Variants in DOCK9 observed in about 807,000 individuals in gnomAD.
DOCK9 encodes the protein dedicator of cytokinesis 9.
DOCK9 carries 89 observed loss-of-function variants against 263.3 expected under a neutral mutation model. The ratio of observed to expected loss-of-function variants is 0.34; its 90% CI spans 0.28 to 0.40. DOCK9 has a LOEUF of 0.40. Ranked by LOEUF, DOCK9 falls within the 10% of genes least tolerant of loss-of-function variation. The pLI, the probability that DOCK9 is intolerant of heterozygous loss-of-function variation, is 1.00. For synonymous variants in DOCK9, 976 were observed against 973.1 expected (o/e 1.00, Z -0.06); for missense variants, 2,140 against 2,603.4 (o/e 0.82, Z 3.87).
At chr13:98,828,994 A>G (rs2092656804) in intron 43 of DOCK9, among the ~76,000 whole-genome samples, 1 of 152,258 alleles carries the variant, frequency 6.6e-6, no homozygotes, top group Admixed American at 6.5e-5. Context: ...TCATTTGATC[A>G]TAAAATAGCT....
intron 1 of DOCK9, among the ~76,000 whole-genome samples, chr13:98,997,550 G>A (rs1419535822): frequency 2.6e-5 from 4 of 152,194 alleles, no homozygotes; most frequent in South Asian, 2.1e-4. Flanking sequence ...GTAGCGATGT[G>A]AAATGAGGTT....
At chr13:98,861,903 C>T (rs1272232994) in intron 32 of DOCK9, among the ~76,000 whole-genome samples, 1 of 152,208 alleles carries the variant, frequency 6.6e-6, no homozygotes, top group African/African-American at 2.4e-5. Context: ...TCCAGTCTCA[C>T]TTCTAATCTG....
chr13:99,010,967 G>A (rs1307327233), intron 1 of DOCK9, among the ~76,000 whole-genome samples: 2 of 152,140 alleles, frequency 1.3e-5, no homozygotes, highest in East Asian at 1.9e-4. Flanking sequence ...GTGCAATCTC[G>A]GCTTACTGCA....
At chr13:99,035,610 G>C (rs1282926775) in intron 1 of DOCK9, among the ~76,000 whole-genome samples, 12 of 152,202 alleles carry the variant, frequency 7.9e-5, no homozygotes, top group Non-Finnish European at 4.4e-5. Flanking sequence ...GATAGAAGGA[G>C]CCTGGGACCC....
At chr13:98,989,669 A>G (rs1879358386) in intron 1 of DOCK9, among the ~76,000 whole-genome samples, 1 of 152,212 alleles carries the variant, frequency 6.6e-6, no homozygotes, top group South Asian at 2.1e-4. Flanking sequence ...GGAGTGGGGT[A>G]GAGATTGAAG....
chr13:98,946,041 G>A (rs945031464), intron 2 of DOCK9, among the ~76,000 whole-genome samples: 2 of 152,216 alleles, frequency 1.3e-5, no homozygotes, highest in African/African-American at 2.4e-5. Context: ...CCTCGCGGGG[G>A]AGACAGGAGC....
intron 1 of DOCK9, among the ~76,000 whole-genome samples, chr13:99,061,617 G>A (rs1158574801): frequency 6.6e-6 from 1 of 152,100 alleles, no homozygotes; most frequent in Non-Finnish European, 1.5e-5. Context: ...ATCAAAGTGA[G>A]GCAGCCTCAC....
chr13:98,978,082 G>T, upstream of DOCK9: 3 of 1,420,384 alleles, frequency 2.1e-6, no homozygotes, highest in South Asian at 4.9e-5. Context: ...GGGAAGGCAT[G>T]ACAGCAAAGG....
chr13:98,915,551 T>G (rs1018230810), intron 7 of DOCK9, 48 bp from the exon 8 acceptor site: 14 of 1,520,372 alleles, frequency 9.2e-6, no homozygotes, highest in African/African-American at 2.8e-5. Context: ...GAATTAGAAC[T>G]GCTTTAAAAT....
At chr13:98,913,468 T>C (rs1257553113) in intron 9 of DOCK9, among the ~76,000 whole-genome samples, 1 of 152,156 alleles carries the variant, frequency 6.6e-6, no homozygotes, top group Non-Finnish European at 1.5e-5. Flanking sequence ...AAAGTCTATA[T>C]AGTACAAATA....
chr13:98,827,752 A>C (rs9554531), intron 43 of DOCK9, among the ~76,000 whole-genome samples: 54,110 of 152,120 alleles, frequency 0.36, 11,184 homozygotes, highest in East Asian at 0.67. Context: ...TTGCAGTACA[A>C]AGCAGGGTCA....
At chr13:99,026,475 A>C (rs1180440481) in intron 1 of DOCK9, among the ~76,000 whole-genome samples, 1 of 152,208 alleles carries the variant, frequency 6.6e-6, no homozygotes, top group Non-Finnish European at 1.5e-5. Flanking sequence ...ACAGCTAAGA[A>C]TGGTAAGATG....
At chr13:99,087,123 G>A (rs2042366476), upstream of DOCK9, among the ~76,000 whole-genome samples, 1 of 152,238 alleles carries the variant, frequency 6.6e-6, no homozygotes, top group African/African-American at 2.4e-5. Flanking sequence ...GCACCGATCG[G>A]AACCCGCGGC....
intron 1 of DOCK9, among the ~76,000 whole-genome samples, chr13:98,964,425 C>G (rs2058993211): frequency 1.3e-5 from 2 of 152,238 alleles, no homozygotes; most frequent in South Asian, 4.2e-4. Flanking sequence ...GTTGAACAAG[C>G]CAGCCAGGAT....
In DOCK9 at chr13:98,902,422, G is replaced by A. The variant is rs1287736514; in HGVS notation, c.1246C>T (p.His416Tyr). 2.1e-5 allele frequency: 34 copies of A among 1,613,846 alleles called. No individual in the cohort carries two copies. Among genetic ancestry groups the A allele is most frequent in the Non-Finnish European group, 2.9e-5 (34 of 1,179,890 alleles). The change falls in exon 12 of 53, where the codon CAC (histidine) becomes TAC (tyrosine). Residue 416 changes from histidine to tyrosine, a missense_variant. Around this residue, in one of 2 missense-constraint regions of DOCK9, gnomAD observed 1,521 missense variants for 1,741.7 expected, o/e 0.87. Transcript: ENST00000682017. ...KYNRKISADF[H>Y]VDLNHFSVRQ... ...ACTGAGAAATGGTTCAGGTCTACGT[G>A]GAAATCGGCAGAAATCTTCCGGTTG...
chr13:99,051,095 C>T (rs1046223134), intron 1 of DOCK9, among the ~76,000 whole-genome samples: 6 of 152,120 alleles, frequency 3.9e-5, no homozygotes, highest in Non-Finnish European at 5.9e-5. Flanking sequence ...AAGGGCTGTG[C>T]GAGCCACTGT....
chr13:98,829,460 G>A lies in DOCK9; in HGVS notation c.4812C>T (p.Ala1604=), dbSNP rs752858795. 1.2e-6 allele frequency: 2 copies of A among 1,613,794 alleles called. No homozygotes were observed. The highest frequency in any genetic ancestry group is 1.7e-6 in the Non-Finnish European group (2 of 1,179,876). ...LTKRIRTVLM[A]TAQMKEHEND... is the part of the protein sequence containing the mutation. The stretch of plus-strand genomic sequence containing the variant: ...TCTCATGCTCCTTCATCTGGGCGGT[G>A]GCCATTAGCACCGTGCGTATCCTTT... Residue 1604 remains alanine, a synonymous_variant, in exon 43 of 53, where the codon GCC becomes GCT. Transcript: ENST00000682017. The surrounding 1 kb of genome is among the most constrained non-coding windows in gnomAD (Gnocchi z 4.1).
At chr13:98,893,191 A>T (rs2046891711) in intron 15 of DOCK9, among the ~76,000 whole-genome samples, 1 of 152,218 alleles carries the variant, frequency 6.6e-6, no homozygotes, top group South Asian at 2.1e-4. Flanking sequence ...ACCAGAGCGA[A>T]ATCGGGGTAA....
At position 98,829,456 on chromosome 13, in the gene DOCK9, C is replaced by T. The variant is rs1463559091; in HGVS notation, c.4816G>A (p.Ala1606Thr). The T allele has an allele frequency of 4.3e-6, 7 of 1,613,896 alleles. No homozygotes were observed. Among genetic ancestry groups the T allele is most frequent in the South Asian group, 1.1e-5 (1 of 91,032 alleles). Residue 1606 changes from alanine to threonine, a missense_variant, in exon 43 of 53, where the codon GCC becomes ACC. By Grantham distance (58) the Ala-to-Thr change is moderately conservative (BLOSUM62 0). Transcript: ENST00000682017. This position sits in a 1 kb window ranked among gnomAD's most constrained non-coding sequence, Gnocchi z 4.1. ...TCGTTCTCATGCTCCTTCATCTGGGCGGTGGCCATTAGCACCGTGCGTATC... is the reference window on the plus strand; with the variant it reads ...TCGTTCTCATGCTCCTTCATCTGGGTGGTGGCCATTAGCACCGTGCGTATC... Reference protein sequence around the residue: ...KRIRTVLMATAQMKEHENDPE... With the variant: ...KRIRTVLMATTQMKEHENDPE...
Sources: allele counts gnomAD v4.1 joint callset (sites outside exome capture counted in the v4.1 genomes callset), GRCh38; gene constraint gnomAD v4.1.1; regional missense constraint gnomAD v4.1.1; non-coding constraint Gnocchi (gnomAD v3.1); transcripts MANE v1.5; gene names NCBI Gene and HGNC (gene_info 2026-07-23, HGNC 2026-07-21).